The following SPOCK1 variants were observed in gnomAD, a reference collection of about 807,000 sequenced individuals.
The protein encoded by SPOCK1 is SPARC (osteonectin), cwcv and kazal like domains proteoglycan 1, also known as testican-1.
Under a neutral mutation model 55.3 loss-of-function variants are expected in SPOCK1, and 23 were observed. The ratio of observed to expected loss-of-function variants is 0.42; its 90% CI spans 0.30 to 0.59. SPOCK1 has a LOEUF of 0.59. Among genes scored for constraint, SPOCK1 ranks in the 20% least tolerant of loss-of-function variants. SPOCK1 has a pLI of 0.22. For synonymous variants in SPOCK1, 226 were observed against 221.0 expected, an observed-to-expected ratio of 1.02 and a Z score of -0.20; for missense variants, 499 against 552.5, an observed-to-expected ratio of 0.90 and a Z score of 0.97.
intron 9 of SPOCK1, among the ~76,000 whole-genome samples, chr5:136,984,318 TGAATAGAGAAAC>T (rs975655099): frequency 6.6e-6 from 1 of 152,166 alleles, no homozygotes; most frequent in African/African-American, 2.4e-5. Context: ...TTCCTTCAAA[TGAATAGAGAAAC>T]TTCTGAAATG....
At chr5:137,162,825 G>A (rs1754585988) in intron 3 of SPOCK1, among the ~76,000 whole-genome samples, 1 of 152,180 alleles carries the variant, frequency 6.6e-6, no homozygotes, top group Non-Finnish European at 1.5e-5. Context: ...AGTTGTTGGA[G>A]GCATAAGAAA....
chr5:137,148,225 G>A (rs11746206), intron 3 of SPOCK1, among the ~76,000 whole-genome samples: 19,184 of 152,156 alleles, frequency 0.13, 1,382 homozygotes, highest in South Asian at 0.22. Flanking sequence ...AAGGAGTTAA[G>A]GACTACCCAC....
At chr5:137,276,081 T>C (rs1205651545) in intron 2 of SPOCK1, among the ~76,000 whole-genome samples, 1 of 152,174 alleles carries the variant, frequency 6.6e-6, no homozygotes, top group African/African-American at 2.4e-5. Context: ...GACTCCCAGG[T>C]CAAGGCCAAG....
At chr5:137,122,293 A>T (rs1376518811) in intron 4 of SPOCK1, among the ~76,000 whole-genome samples, 1 of 151,216 alleles carries the variant, frequency 6.6e-6, no homozygotes, top group Admixed American at 6.6e-5. Flanking sequence ...AGGCACTCTC[A>T]GGCTCTGACT....
Position 137,066,963 on chromosome 5 carries a change from T to TACACACACACACACACAC in SPOCK1, c.589+734_589+751dup, listed in dbSNP as rs147918575. On this transcript the variant is annotated intron_variant, in intron 6 of 10. Transcript: ENST00000394945. ...ACTCCTAGATTTTAAAACATAAGCA[T>TACACACACACACACACAC]ACACACACACACACACACACACACA... 3.0e-3 allele frequency among the ~76,000 whole-genome samples: 377 copies of TACACACACACACACACAC among 126,250 alleles called. 3 individuals are homozygous for TACACACACACACACACAC. The highest frequency in any genetic ancestry group is 0.013 in the East Asian group (55 of 4,212). The allele number at this position is 126,250 out of a possible 152,430, so 82.8% of individuals were successfully genotyped here.
intron 6 of SPOCK1, among the ~76,000 whole-genome samples, chr5:137,023,960 A>ATTT (rs34202986): frequency 0.59 from 75,820 of 129,578 alleles, 24,799 homozygotes; most frequent in Non-Finnish European, 0.75. Context: ...TCAATATAGT[A>ATTT]TTTTTTTTTT....
intron 2 of SPOCK1, among the ~76,000 whole-genome samples, chr5:137,374,275 C>G (rs1224877757): frequency 6.6e-6 from 1 of 152,260 alleles, no homozygotes; most frequent in Non-Finnish European, 1.5e-5. Flanking sequence ...ATCATAACCT[C>G]TTTCTGGATT....
chr5:137,226,834 T>C (rs1313602292), intron 3 of SPOCK1, among the ~76,000 whole-genome samples: 1 of 152,242 alleles, frequency 6.6e-6, no homozygotes, highest in African/African-American at 2.4e-5. Context: ...CCTCACATGT[T>C]ATAGTAATCA....
intron 3 of SPOCK1, among the ~76,000 whole-genome samples, chr5:137,234,576 C>T (rs1260182207): frequency 6.6e-6 from 1 of 152,142 alleles, no homozygotes; most frequent in Non-Finnish European, 1.5e-5. Flanking sequence ...ATATCATATC[C>T]CATTGTATCT....
At chr5:137,062,956 C>T (rs980902620) in intron 6 of SPOCK1, among the ~76,000 whole-genome samples, 7 of 152,060 alleles carry the variant, frequency 4.6e-5, no homozygotes, top group African/African-American at 1.4e-4. Flanking sequence ...TATTCAGGGC[C>T]GGGCGCGGTG....
intron 2 of SPOCK1, among the ~76,000 whole-genome samples, chr5:137,422,432 T>C (rs979750149): frequency 7.2e-5 from 11 of 152,360 alleles, no homozygotes; most frequent in East Asian, 5.8e-4. Flanking sequence ...CAATCAGACG[T>C]AGATTTGATC....
Position 137,183,649 on chromosome 5 carries a change from G to T in SPOCK1, c.233-42955C>A, listed in dbSNP as rs78263165. On this transcript the variant is annotated intron_variant, in intron 3 of 10. Transcript: ENST00000394945. ...TGGGACCTGGTAGCCACTGCTGTGG[G>T]TCATCAGCTACCTGGAGAACACTAG... Among the ~76,000 whole-genome samples, 132 of 152,340 alleles carry T rather than the reference G, an allele frequency of 8.7e-4. 1 individual carries two copies. The East Asian group carries it at 0.025, about 29-fold the overall frequency.
At chr5:137,195,526 A>G (rs1043726247) in intron 3 of SPOCK1, among the ~76,000 whole-genome samples, 1 of 152,218 alleles carries the variant, frequency 6.6e-6, no homozygotes, top group African/African-American at 2.4e-5. Context: ...AAGCAGAGGA[A>G]GATGTGGGAG....
intron 2 of SPOCK1, among the ~76,000 whole-genome samples, chr5:137,444,194 C>A (rs1426752009): frequency 6.6e-6 from 1 of 152,184 alleles, no homozygotes; most frequent in Non-Finnish European, 1.5e-5. Context: ...TCATGCTCTT[C>A]CCCACCTGAC....
chr5:137,001,284 G>A (rs370380154), intron 6 of SPOCK1, among the ~76,000 whole-genome samples: 1 of 152,302 alleles, frequency 6.6e-6, no homozygotes, highest in African/African-American at 2.4e-5. Context: ...TGTGTTTGTG[G>A]ACACAGAGCA....
intron 3 of SPOCK1, among the ~76,000 whole-genome samples, chr5:137,211,350 G>C (rs1368660254): frequency 6.6e-6 from 1 of 152,144 alleles, no homozygotes; most frequent in East Asian, 1.9e-4. Context: ...ACAAAATACA[G>C]GGCACCTACC....
At chr5:137,123,754 C>A (rs1753728407) in intron 4 of SPOCK1, among the ~76,000 whole-genome samples, 1 of 152,096 alleles carries the variant, frequency 6.6e-6, no homozygotes, top group African/African-American at 2.4e-5. Context: ...CAGAAATCAC[C>A]TAGAGGAAGG....
chr5:137,475,629 C>A (rs1467520513), intron 2 of SPOCK1, among the ~76,000 whole-genome samples: 1 of 152,000 alleles, frequency 6.6e-6, no homozygotes, highest in African/African-American at 2.4e-5. Context: ...GTTGCCCAGG[C>A]TGGAGGGCTG....
chr5:137,443,486 TCACC>T (rs1753059715), intron 2 of SPOCK1, among the ~76,000 whole-genome samples: 1 of 152,200 alleles, frequency 6.6e-6, no homozygotes, highest in African/African-American at 2.4e-5. Flanking sequence ...GATCCAGTTC[TCACC>T]CACAACCGAA....
Sources: allele counts gnomAD v4.1 joint callset (sites outside exome capture counted in the v4.1 genomes callset), GRCh38; gene constraint gnomAD v4.1.1; transcripts MANE v1.5; gene names NCBI Gene and HGNC (gene_info 2026-07-23, HGNC 2026-07-21).